Variants in DCAF8L2 observed in about 807,000 individuals in gnomAD.
DCAF8L2 encodes the protein DDB1- and CUL4-associated factor 8-like protein 2.
For missense variants in DCAF8L2, 430 were observed against 490.7 expected (o/e 0.88, Z 1.17); for synonymous variants, 200 against 190.9 (o/e 1.05, Z -0.39).
At chrX:27,567,606 A>G in the DCAF8L2 span, among the ~76,000 whole-genome samples, 1 of 94,656 alleles carries the variant, frequency 1.1e-5, no homozygotes, top group Non-Finnish European at 2.1e-5. Context: ...GTCAAAGGAC[A>G]AAATTATAAC....
intron 1 of DCAF8L2, among the ~76,000 whole-genome samples, chrX:27,621,176 G>T (rs1453626970): frequency 9.0e-6 from 1 of 111,310 alleles, no homozygotes; most frequent in Non-Finnish European, 1.9e-5. Context: ...AGGGGAGAAT[G>T]GGGAGATATT....
intron 1 of DCAF8L2, among the ~76,000 whole-genome samples, chrX:27,622,368 T>C (rs1394727875): frequency 1.9e-5 from 2 of 105,194 alleles, no homozygotes; most frequent in Non-Finnish European, 3.8e-5. Flanking sequence ...GAGCTTGCAG[T>C]GAGCCGAGAT....
intron 2 of DCAF8L2, among the ~76,000 whole-genome samples, chrX:27,637,714 A>G (rs1262027395): frequency 9.0e-6 from 1 of 111,498 alleles, no homozygotes; most frequent in Admixed American, 9.6e-5. Context: ...ATCATTTATG[A>G]ATAAAAGGGG....
the DCAF8L2 span, among the ~76,000 whole-genome samples, chrX:27,562,416 C>A: frequency 8.9e-6 from 1 of 112,496 alleles, no homozygotes; most frequent in Non-Finnish European, 1.9e-5. Flanking sequence ...CAGGAGTCCT[C>A]CTCGTAGCCA....
rs192140591 is a variant in DCAF8L2, at chrX:27,670,736, T to G, written c.-219-7100T>G. ...GGGATCTTTCATGAATGGGTTGGTGTTGTCCTCCTAGGAGTGAGTGAGTTC... is the reference window on the plus strand; with the variant it reads ...GGGATCTTTCATGAATGGGTTGGTGGTGTCCTCCTAGGAGTGAGTGAGTTC... On this transcript the variant is annotated intron_variant, in intron 2 of 4. Coordinates refer to ENST00000451261, the MANE Select transcript of DCAF8L2 (RefSeq NM_001353450.2). Among the ~76,000 whole-genome samples the G allele has an allele frequency of 5.6e-4, 62 of 110,695 alleles. 1 individual carries two copies. Among genetic ancestry groups the G allele is most frequent in the South Asian group, 4.3e-3 (11 of 2,572 alleles).
chrX:27,497,662 G>C, the DCAF8L2 span, among the ~76,000 whole-genome samples: 311 of 109,751 alleles, frequency 2.8e-3, 3 homozygotes, highest in African/African-American at 1.0e-2. Context: ...TCTGCCTCCT[G>C]GGTTCAAGCG....
intron 1 of DCAF8L2, among the ~76,000 whole-genome samples, chrX:27,595,462 A>G (rs1178416697): frequency 9.0e-6 from 1 of 111,731 alleles, no homozygotes; most frequent in African/African-American, 3.2e-5. Flanking sequence ...AGAGATATCT[A>G]TGTTTCACTG....
chrX:27,686,081 A>G (rs1399340838), intron 3 of DCAF8L2, among the ~76,000 whole-genome samples: 1 of 111,685 alleles, frequency 9.0e-6, no homozygotes, highest in Non-Finnish European at 1.9e-5. Context: ...AGACAAAAAC[A>G]AAATAGATGC....
intron 1 of DCAF8L2, among the ~76,000 whole-genome samples, chrX:27,590,758 G>A (rs1056126244): frequency 1.8e-5 from 2 of 108,309 alleles, no homozygotes; most frequent in East Asian, 2.9e-4. Flanking sequence ...ATATTAAGAC[G>A]GAATAGAGAT....
At chrX:27,514,265 ATATGTGCACATATGTACATATGTG>A in the DCAF8L2 span, among the ~76,000 whole-genome samples, 2 of 36,775 alleles carry the variant, frequency 5.4e-5, no homozygotes, top group South Asian at 4.5e-3. Flanking sequence ...ATATGTGTGC[ATATGTGCACATATGTACATATGTG>A]TGTGCATATG....
the DCAF8L2 span, among the ~76,000 whole-genome samples, chrX:27,564,918 A>G: frequency 9.1e-6 from 1 of 109,518 alleles, no homozygotes; most frequent in African/African-American, 3.3e-5. Flanking sequence ...GCCTCAAGCA[A>G]TCCTCCCACC....
chrX:27,600,987 G>T lies in DCAF8L2; in HGVS notation c.-342+10547G>T, dbSNP rs137877565. Among the ~76,000 whole-genome samples the T allele has an allele frequency of 4.6e-3, 501 of 109,432 alleles. 1 individual carries two copies. Among genetic ancestry groups the T allele is most frequent in the Non-Finnish European group, 7.6e-3 (398 of 52,615 alleles). On this transcript the variant is annotated intron_variant, in intron 1 of 4. Coordinates refer to ENST00000451261, the MANE Select transcript of DCAF8L2 (RefSeq NM_001353450.2). ...AGGTCTCCATCTGTCACCCAGGCCA[G>T]AATGCAGTGACGTGATCATAGCTCA... is the stretch of plus-strand genomic sequence containing the variant.
the DCAF8L2 span, among the ~76,000 whole-genome samples, chrX:27,535,808 A>C: frequency 8.9e-6 from 1 of 112,090 alleles, no homozygotes. Flanking sequence ...ATTGATCTTT[A>C]AGTTTCCAAT....
intron 1 of DCAF8L2, among the ~76,000 whole-genome samples, chrX:27,615,909 T>C (rs1927451947): frequency 9.0e-6 from 1 of 111,101 alleles, no homozygotes; most frequent in Non-Finnish European, 1.9e-5. Flanking sequence ...TTCACATGTA[T>C]GGCAGTGTTT....
chrX:27,699,271 A>G (rs1168598276), intron 3 of DCAF8L2, among the ~76,000 whole-genome samples: 1 of 111,818 alleles, frequency 8.9e-6, no homozygotes, highest in Non-Finnish European at 1.9e-5. Flanking sequence ...CAGAAAAGTA[A>G]TGTTCCAGGA....
At chrX:27,687,396 AATAAGGTAGCAAGAG>A (rs1423122454) in intron 3 of DCAF8L2, among the ~76,000 whole-genome samples, 12 of 112,139 alleles carry the variant, frequency 1.1e-4, no homozygotes, top group African/African-American at 3.9e-4. Context: ...AAAACTTCAA[AATAAGGTAGCAAGAG>A]AAACTAATAT....
At chrX:27,577,344 C>T in the DCAF8L2 span, among the ~76,000 whole-genome samples, 1 of 111,465 alleles carries the variant, frequency 9.0e-6, no homozygotes. Flanking sequence ...TAAATCTTTG[C>T]TAAATCAAAG....
At chrX:27,696,318 GAAAGAAAGAAAGAA>G (rs1400282940) in intron 3 of DCAF8L2, among the ~76,000 whole-genome samples, 4 of 53,980 alleles carry the variant, frequency 7.4e-5, no homozygotes, top group Non-Finnish European at 1.5e-4. Context: ...AAGAAAGAAA[GAAAGAAAGAAAGAA>G]AAAGAAAGAA....
the DCAF8L2 span, among the ~76,000 whole-genome samples, chrX:27,561,874 T>C: frequency 1.6e-3 from 179 of 112,066 alleles, no homozygotes; most frequent in African/African-American, 5.6e-3. Flanking sequence ...AATGTTGCTA[T>C]GAACATTTCA....
Sources: allele counts gnomAD v4.1 joint callset (sites outside exome capture counted in the v4.1 genomes callset), GRCh38; gene constraint gnomAD v4.1.1; transcripts MANE v1.5; gene names NCBI Gene and HGNC (gene_info 2026-07-23, HGNC 2026-07-21).